TBC1D10A: variants seen among roughly 807,000 people sequenced by gnomAD.
The protein encoded by TBC1D10A is TBC1 domain family member 10A.
TBC1D10A carries 24 observed loss-of-function variants against 52.9 expected under a neutral mutation model. The ratio of observed to expected loss-of-function variants is 0.45; its 90% CI spans 0.33 to 0.64. The LOEUF (loss-of-function observed/expected upper bound fraction) is 0.64, where lower values mean the gene tolerates loss of function less well. Among genes scored for constraint, TBC1D10A ranks in the 30% least tolerant of loss-of-function variants. TBC1D10A has a pLI of 0.02. For synonymous variants in TBC1D10A, 278 were observed against 282.9 expected, an observed-to-expected ratio of 0.98 and a Z score of 0.17; for missense variants, 602 against 687.9, an observed-to-expected ratio of 0.88 and a Z score of 1.40.
At chr22:30,321,548 G>A (rs1930652900) in intron 1 of TBC1D10A, among the ~76,000 whole-genome samples, 2 of 152,222 alleles carry the variant, frequency 1.3e-5, no homozygotes, top group South Asian at 2.1e-4. Context: ...AAGGCCCAGG[G>A]AATGAGAACT....
At chr22:30,306,887 T>A (rs1343338202) in intron 1 of TBC1D10A, among the ~76,000 whole-genome samples, 22 of 152,290 alleles carry the variant, frequency 1.4e-4, no homozygotes. Flanking sequence ...TTGCAGGCTA[T>A]CTATTTTTTT....
intron 1 of TBC1D10A, among the ~76,000 whole-genome samples, chr22:30,322,981 A>C (rs1480030481): frequency 1.3e-5 from 2 of 148,594 alleles, no homozygotes; most frequent in African/African-American, 5.0e-5. Flanking sequence ...GCTTACTGCA[A>C]CCTCCACCTC....
chr22:30,316,363 T>C (rs1047296559), intron 1 of TBC1D10A, among the ~76,000 whole-genome samples: 2 of 152,186 alleles, frequency 1.3e-5, no homozygotes, highest in African/African-American at 2.4e-5. Flanking sequence ...GAACAGAGCA[T>C]GCTGGGAGCA....
At chr22:30,302,867 C>G (rs1930230347) in intron 2 of TBC1D10A, among the ~76,000 whole-genome samples, 1 of 152,238 alleles carries the variant, frequency 6.6e-6, no homozygotes, top group South Asian at 2.1e-4. Flanking sequence ...GTCACCATAA[C>G]AGATTGCTGG....
chr22:30,326,907 C>T lies in TBC1D10A; in HGVS notation c.-26G>A, dbSNP rs755828816. On this transcript the variant is annotated 5_prime_UTR_variant, in exon 1 of 9. Coordinates refer to ENST00000215790, the MANE Select transcript of TBC1D10A (RefSeq NM_031937.3). ...CCCAGCCGCGCCCGCCGCCTGAGCTCCAGCGGCCACCTCAGCCGCCCTGCT... is the reference window on the plus strand; with the variant it reads ...CCCAGCCGCGCCCGCCGCCTGAGCTTCAGCGGCCACCTCAGCCGCCCTGCT... 1.2e-5 allele frequency: 18 copies of T among 1,448,776 alleles called. No homozygotes were observed. The highest frequency in any genetic ancestry group is 2.6e-5 in the Admixed American group (1 of 37,736). The allele number at this position is 1,448,776 out of a possible 1,614,324, so 89.7% of individuals were successfully genotyped here.
chr22:30,326,654 G>A lies in TBC1D10A; in HGVS notation c.209+19C>T. Reference sequence around the variant, plus strand: ...TCGCGTGGGTGGCGCGCTCAGTCCCGACCCCCGGCGCTACTCACGCGCCCT... The same window carrying A: ...TCGCGTGGGTGGCGCGCTCAGTCCCAACCCCCGGCGCTACTCACGCGCCCT... On this transcript the variant is annotated intron_variant, in intron 1 of 8. Coordinates refer to ENST00000215790, the MANE Select transcript of TBC1D10A (RefSeq NM_031937.3). 1 of 1,557,456 alleles carries A rather than the reference G, an allele frequency of 6.4e-7. No homozygotes were observed. Among genetic ancestry groups the A allele is most frequent in the Non-Finnish European group, 8.7e-7 (1 of 1,153,860 alleles).
At chr22:30,312,498 G>A (rs563698066) in intron 1 of TBC1D10A, among the ~76,000 whole-genome samples, 9 of 152,230 alleles carry the variant, frequency 5.9e-5, no homozygotes, top group Admixed American at 6.5e-5. Context: ...ACCCTAGACT[G>A]GGCCACTGGG....
chr22:30,298,235 G>A (rs1225414532), intron 3 of TBC1D10A: 7 of 152,366 alleles, frequency 4.6e-5, no homozygotes, highest in Admixed American at 4.6e-4. Flanking sequence ...CCACCCCTGA[G>A]CCTCCCACTT....
intron 1 of TBC1D10A, among the ~76,000 whole-genome samples, chr22:30,309,520 G>A (rs977868376): frequency 8.5e-5 from 13 of 152,278 alleles, no homozygotes; most frequent in South Asian, 6.2e-4. Flanking sequence ...CACCGCACCC[G>A]GCCAGGGCAA....
intron 3 of TBC1D10A, 58 bp from the exon 4 acceptor site, chr22:30,295,901 G>A (rs1174620323): frequency 1.3e-6 from 2 of 1,488,082 alleles, no homozygotes; most frequent in Admixed American, 1.9e-5. Context: ...TTTGCTGACA[G>A]GACACGGCTG....
chr22:30,326,053 GTC>G lies in TBC1D10A; in HGVS notation c.209+618_209+619del, dbSNP rs1930764292. Among the ~76,000 whole-genome samples, 3 of 151,860 alleles carry G rather than the reference GTC, an allele frequency of 2.0e-5. 1 individual carries two copies. In the South Asian group the frequency reaches 6.2e-4, roughly 32 times the overall value. On this transcript the variant is annotated intron_variant, in intron 1 of 8. Transcript: ENST00000215790. Reference sequence around the variant, plus strand: ...GACCCTTCCATGAGGAGAAGGGACTGTCTGTCCCAGGATGGAGCTGAGGGGAG... The same window carrying G: ...GACCCTTCCATGAGGAGAAGGGACTGTGTCCCAGGATGGAGCTGAGGGGAG...
intron 2 of TBC1D10A, chr22:30,299,836 G>C (rs755858864): frequency 3.7e-6 from 1 of 273,630 alleles, no homozygotes; most frequent in African/African-American, 2.3e-5. Flanking sequence ...GTGTGGTGGC[G>C]GGCGCCTGTA....
At chr22:30,299,373 G>A (rs1465491932) in intron 3 of TBC1D10A, 71 bp downstream of exon 3, 1 of 1,468,320 alleles carries the variant, frequency 6.8e-7, no homozygotes, top group Non-Finnish European at 9.5e-7. Context: ...TGAGCACATG[G>A]AGGATTGCCG....
In TBC1D10A at chr22:30,292,116, A is replaced by G; in HGVS notation, c.*259T>C. On this transcript the variant is annotated 3_prime_UTR_variant, in exon 9 of 9. Transcript: ENST00000215790. ...GCATCCCCCAGGAGGAGGGGGCTGA[A>G]GGAGGCCCCACCCCCCAGGCCCTAG... is the stretch of plus-strand genomic sequence containing the variant. The G allele has an allele frequency of 2.5e-6, 1 of 404,438 alleles. No individual in the cohort carries two copies. The allele number at this position is 404,438 out of a possible 1,614,324, so 25.1% of individuals were successfully genotyped here. A position where few individuals can be genotyped will look rare whatever the true frequency, so the allele number is the denominator to read the frequency against.
In TBC1D10A at chr22:30,310,168, C is replaced by T. The variant is rs1236354698; in HGVS notation, c.210-5538G>A. Among the ~76,000 whole-genome samples the T allele has an allele frequency of 2.0e-5, 3 of 152,178 alleles. No homozygotes were observed. In the East Asian group the frequency reaches 5.8e-4, roughly 29 times the overall value. The stretch of plus-strand genomic sequence containing the variant: ...GTTCTGCCATCTACTAACTGGGAGA[C>T]CATGTGCAAAAAGTGACAACTTCTT... On this transcript the variant is annotated intron_variant, in intron 1 of 8. Coordinates refer to ENST00000215790, the MANE Select transcript of TBC1D10A (RefSeq NM_031937.3).
intron 2 of TBC1D10A, among the ~76,000 whole-genome samples, chr22:30,302,920 G>C (rs1930231986): frequency 6.6e-6 from 1 of 152,160 alleles, no homozygotes; most frequent in South Asian, 2.1e-4. Flanking sequence ...GGAATGATGA[G>C]GCAGGGAAAC....
At position 30,293,559 on chromosome 22, in the gene TBC1D10A, C is replaced by T. The variant is rs555682375; in HGVS notation, c.1050+92G>A. Reference sequence around the variant, plus strand: ...AGCAATGGTCCTGGCATAGGATCCACCCTCAGGGGCTGAGGGTTAGCGGGA... The same window carrying T: ...AGCAATGGTCCTGGCATAGGATCCATCCTCAGGGGCTGAGGGTTAGCGGGA... On this transcript the variant is annotated intron_variant, in intron 8 of 8. Transcript: ENST00000215790. 51 of 1,526,238 alleles carry T rather than the reference C, an allele frequency of 3.3e-5. No homozygotes were observed. In the South Asian group the frequency reaches 5.9e-4, roughly 18 times the overall value. The allele number at this position is 1,526,238 out of a possible 1,614,324, so 94.5% of individuals were successfully genotyped here. A position where few individuals can be genotyped will look rare whatever the true frequency, so the allele number is the denominator to read the frequency against.
At position 30,295,017 on chromosome 22, in the gene TBC1D10A, A is replaced by G. The variant is rs1313171829; in HGVS notation, c.563T>C (p.Leu188Pro). 1 of 1,614,058 alleles carries G rather than the reference A, an allele frequency of 6.2e-7. No individual in the cohort carries two copies. Among genetic ancestry groups the G allele is most frequent in the South Asian group, 1.1e-5 (1 of 91,088 alleles). Residue 188 changes from leucine (L) to proline (P), a missense_variant, in exon 5 of 9, where the codon CTG (leucine) becomes CCG (proline). By Grantham distance (98) the Leu-to-Pro change is moderately conservative (BLOSUM62 -3). Coordinates refer to ENST00000215790, the MANE Select transcript of TBC1D10A (RefSeq NM_031937.3). The part of the protein sequence containing the change: ...DLFRVLKAYT[L>P]YRPEEGYCQA... ...GCAGTAGCCCTCCTCGGGCCGGTACAGCGTGTAGGCCTTCAGCACACGGAA... is the reference window on the plus strand; with the variant it reads ...GCAGTAGCCCTCCTCGGGCCGGTACGGCGTGTAGGCCTTCAGCACACGGAA...
chr22:30,324,926 T>C (rs928629292), intron 1 of TBC1D10A, among the ~76,000 whole-genome samples: 2 of 152,214 alleles, frequency 1.3e-5, no homozygotes, highest in African/African-American at 4.8e-5. Flanking sequence ...CTGATAAGCA[T>C]GTAGTAGGAA....
Sources: allele counts gnomAD v4.1 joint callset (sites outside exome capture counted in the v4.1 genomes callset), GRCh38; gene constraint gnomAD v4.1.1; transcripts MANE v1.5; gene names NCBI Gene and HGNC (gene_info 2026-07-23, HGNC 2026-07-21).